The following MYH16 variants were observed in gnomAD, a reference collection of about 807,000 sequenced individuals.
MYH16 encodes myosin heavy chain 16, also known as putative uncharacterized protein MYH16.
At chr7:99,307,756 G>A (rs1792702371), downstream of MYH16, among the ~76,000 whole-genome samples, 2 of 152,112 alleles carry the variant, frequency 1.3e-5, no homozygotes, top group African/African-American at 4.8e-5. Context: ...TTATTTGAGA[G>A]TCTCACTCTG....
intron 1 of MYH16, among the ~76,000 whole-genome samples, chr7:99,239,307 G>A (rs774012204): frequency 1.3e-5 from 2 of 152,248 alleles, no homozygotes; most frequent in Non-Finnish European, 2.9e-5. Flanking sequence ...CGTAAGGGAT[G>A]ATCGTGAGAG....
At chr7:99,278,087 T>C (rs1465963743) in intron 21 of MYH16, among the ~76,000 whole-genome samples, 1 of 151,732 alleles carries the variant, frequency 6.6e-6, no homozygotes, top group East Asian at 1.9e-4. Flanking sequence ...GCCTCCCGAG[T>C]AGCTGGGACT....
exon 2 of MYH16, chr7:99,243,411 T>C (rs1455604977): frequency 6.6e-6 from 1 of 152,632 alleles, no homozygotes; most frequent in Non-Finnish European, 1.5e-5. Context: ...TACACCAACA[T>C]GAGGATCTAT....
chr7:99,279,028 C>A (rs1792163142), intron 21 of MYH16, among the ~76,000 whole-genome samples: 1 of 151,772 alleles, frequency 6.6e-6, no homozygotes, highest in Non-Finnish European at 1.5e-5. Context: ...CCCATCTCTA[C>A]AAAAAAGTTT....
intron 37 of MYH16, among the ~76,000 whole-genome samples, chr7:99,299,992 T>A (rs981070249): frequency 9.9e-5 from 15 of 150,840 alleles, no homozygotes; most frequent in Non-Finnish European, 1.5e-4. Context: ...GGAGTTTTGC[T>A]CTTGTCACCC....
At chr7:99,298,778 TA>T in intron 36 of MYH16, among the ~76,000 whole-genome samples, 1 of 152,002 alleles carries the variant, frequency 6.6e-6, no homozygotes, top group South Asian at 2.1e-4. Context: ...TTTTTTTTTT[TA>T]ATTATACTTT....
chr7:99,290,486 C>CAAAA (rs57166125), intron 30 of MYH16, among the ~76,000 whole-genome samples: 1 of 55,552 alleles, frequency 1.8e-5, no homozygotes, highest in African/African-American at 5.8e-5. Flanking sequence ...GACCCTGTCT[C>CAAAA]AAAAAAAAAA....
intron 19 of MYH16, among the ~76,000 whole-genome samples, 133 bp from the exon 1 acceptor site, chr7:99,272,698 AATTGCACC>A (rs1657570908): frequency 6.6e-6 from 1 of 152,026 alleles, no homozygotes. Context: ...AGTGAGCCAT[AATTGCACC>A]ATTGCACTCT....
chr7:99,274,632 G>A (rs912010374), intron 20 of MYH16, among the ~76,000 whole-genome samples: 7 of 150,798 alleles, frequency 4.6e-5, no homozygotes, highest in Non-Finnish European at 7.4e-5. Flanking sequence ...GGCTTTCCCC[G>A]CCTGTTCCAT....
intron 2 of MYH16, among the ~76,000 whole-genome samples, chr7:99,245,563 T>G (rs556764516): frequency 6.6e-6 from 1 of 152,326 alleles, no homozygotes; most frequent in East Asian, 1.9e-4. Context: ...AGTCTCGCTC[T>G]GTTGCCCAGG....
At chr7:99,300,502 C>T (rs1482508724) in intron 37 of MYH16, among the ~76,000 whole-genome samples, 1 of 152,070 alleles carries the variant, frequency 6.6e-6, no homozygotes, top group Non-Finnish European at 1.5e-5. Context: ...TTTAGGTGTC[C>T]AAGAGTGGAC....
intron 17 of MYH16, among the ~76,000 whole-genome samples, chr7:99,265,861 G>A (rs925919236): frequency 1.1e-4 from 16 of 152,270 alleles, no homozygotes; most frequent in African/African-American, 3.9e-4. Flanking sequence ...GTTCAGGGTG[G>A]TATGGCCATA....
chr7:99,294,500 C>CAAAAAAAAAAAAA (rs1159682450), intron 33 of MYH16, among the ~76,000 whole-genome samples: 14 of 25,524 alleles, frequency 5.5e-4, no homozygotes, highest in African/African-American at 8.4e-4. Flanking sequence ...GACCCTGTCT[C>CAAAAAAAAAAAAA]AAAAAAAAAA....
intron 37 of MYH16, 127 bp from the exon 19 acceptor site, chr7:99,301,474 C>G (rs1792593858): frequency 6.5e-6 from 1 of 152,886 alleles, no homozygotes; most frequent in Non-Finnish European, 1.5e-5. Context: ...CTTCTGTGGC[C>G]TCCCCGCCTG....
chr7:99,272,854 G>A (rs1792066250), intron 19 of MYH16, among the ~76,000 whole-genome samples: 1 of 152,180 alleles, frequency 6.6e-6, no homozygotes, highest in Non-Finnish European at 1.5e-5. Flanking sequence ...GCCACCTGCA[G>A]CCCTGGACTG....
chr7:99,291,091 C>T (rs1322394497), intron 30 of MYH16: 1 of 262,126 alleles, frequency 3.8e-6, no homozygotes, highest in Non-Finnish European at 7.6e-6. Flanking sequence ...ATGTGAGGCC[C>T]CTAAGTCCAT....
At chr7:99,282,121 C>G (rs931766867) in intron 23 of MYH16, among the ~76,000 whole-genome samples, 2 of 152,176 alleles carry the variant, frequency 1.3e-5, no homozygotes, top group African/African-American at 4.8e-5. Context: ...CTCCCGGGTT[C>G]AAGTGATTCT....
At chr7:99,242,065 T>C (rs2031467755) in intron 1 of MYH16, among the ~76,000 whole-genome samples, 1 of 152,198 alleles carries the variant, frequency 6.6e-6, no homozygotes, top group African/African-American at 2.4e-5. Flanking sequence ...TTCGCCATTT[T>C]GGCCAGGCTG....
At chr7:99,239,525 CATGG>C (rs1334532750) in intron 1 of MYH16, among the ~76,000 whole-genome samples, 2 of 152,122 alleles carry the variant, frequency 1.3e-5, no homozygotes, top group African/African-American at 4.8e-5. Flanking sequence ...TCTCTTGGAG[CATGG>C]GGGTGGTGTG....
Sources: gnomAD v4.1 joint callset for allele counts (sites outside exome capture counted in the v4.1 genomes callset) on GRCh38, gnomAD v4.1.1 for gene constraint, MANE v1.5 for transcripts, NCBI Gene and HGNC (gene_info 2026-07-23, HGNC 2026-07-21) for gene names.